Variants in AK9 observed in about 807,000 individuals in gnomAD.
The protein encoded by AK9 is adenylate kinase 9.
A neutral mutation model predicts 239.6 loss-of-function variants in AK9; 191 were observed. That is an observed-to-expected ratio of 0.80 (90% CI 0.71 to 0.90). The LOEUF (loss-of-function observed/expected upper bound fraction) is 0.90. Ranked by LOEUF, AK9 falls within the 40% of genes least tolerant of loss-of-function variation. AK9 has a pLI of 0.00. For missense variants in AK9, 1,995 were observed against 2,214.7 expected (o/e 0.90, Z 1.99); for synonymous variants, 689 against 721.0 (o/e 0.96, Z 0.71).
chr6:109,499,341 C>T, intron 35 of AK9, 101 bp from the exon 36 acceptor site: 1 of 897,098 alleles, frequency 1.1e-6, no homozygotes. Context: ...ACTATACATA[C>T]ACATTATAAA....
Position 109,493,207 on chromosome 6 carries a change from G to C in AK9, c.*162C>G. On this transcript the variant is annotated 3_prime_UTR_variant, in exon 41 of 41. Coordinates refer to ENST00000424296, the MANE Select transcript of AK9 (RefSeq NM_001145128.3). The stretch of plus-strand genomic sequence containing the variant: ...GTTTCCATAAGAGTGCTCCTTCCTG[G>C]CTGGCAGACCTTTGAGTTCACCTGA... 1.5e-6 allele frequency: 1 copy of C among 646,674 alleles called. No homozygotes were observed. Among genetic ancestry groups the C allele is most frequent in the Non-Finnish European group, 2.6e-6 (1 of 379,106 alleles). 40.1% of individuals were successfully genotyped at this position (646,674 alleles called of 1,614,324 possible).
At chr6:109,497,360 A>ACG in intron 38 of AK9, 105 bp downstream of exon 38, 1 of 552,776 alleles carries the variant, frequency 1.8e-6, no homozygotes, top group Non-Finnish European at 3.1e-6. Flanking sequence ...ACACACACAC[A>ACG]CACTCTCTCT....
chr6:109,538,243 C>T (rs975849327), intron 27 of AK9, among the ~76,000 whole-genome samples: 1 of 152,018 alleles, frequency 6.6e-6, no homozygotes, highest in Non-Finnish European at 1.5e-5. Flanking sequence ...GGAGTCTAAG[C>T]CTCTTTGTAG....
intron 6 of AK9, among the ~76,000 whole-genome samples, chr6:109,662,075 T>C (rs1800495483): frequency 6.6e-6 from 1 of 152,160 alleles, no homozygotes; most frequent in South Asian, 2.1e-4. Context: ...AATATACTGG[T>C]TGATGTTTAT....
intron 10 of AK9, among the ~76,000 whole-genome samples, chr6:109,638,077 C>T (rs772524845): frequency 1.3e-5 from 2 of 152,172 alleles, no homozygotes; most frequent in African/African-American, 2.4e-5. Context: ...TACACAGCCA[C>T]ATCTTCCCTT....
intron 3 of AK9, among the ~76,000 whole-genome samples, chr6:109,672,983 G>T (rs1476029597): frequency 2.0e-5 from 3 of 152,164 alleles, no homozygotes; most frequent in African/African-American, 7.2e-5. Flanking sequence ...AGAAAGAGGG[G>T]TCTTGAGGCT....
At chr6:109,682,972 T>A (rs550307772) in intron 1 of AK9, among the ~76,000 whole-genome samples, 1 of 152,322 alleles carries the variant, frequency 6.6e-6, no homozygotes, top group Non-Finnish European at 1.5e-5. Flanking sequence ...CCAATATCCC[T>A]GATGAACATC....
chr6:109,564,564 G>GT (rs1786219652), intron 22 of AK9, among the ~76,000 whole-genome samples, 192 bp downstream of exon 22: 1 of 136,988 alleles, frequency 7.3e-6, no homozygotes, highest in South Asian at 2.4e-4. Flanking sequence ...ACAAATTTGT[G>GT]TAAAAACCAG....
intron 1 of AK9, among the ~76,000 whole-genome samples, chr6:109,679,340 G>A (rs1188183286): frequency 1.5e-5 from 2 of 133,564 alleles, no homozygotes; most frequent in Non-Finnish European, 3.2e-5. Context: ...AAGCCTTGGG[G>A]AAGTTCCCTC....
chr6:109,582,592 G>A (rs1342638624), intron 19 of AK9, among the ~76,000 whole-genome samples: 1 of 152,156 alleles, frequency 6.6e-6, no homozygotes, highest in African/African-American at 2.4e-5. Context: ...TCTCATGGAT[G>A]AGAAAAGAAA....
chr6:109,672,822 T>A (rs755560263), intron 3 of AK9, among the ~76,000 whole-genome samples: 1 of 152,242 alleles, frequency 6.6e-6, no homozygotes, highest in Non-Finnish European at 1.5e-5. Flanking sequence ...TATATGACAG[T>A]GATTTCTAAA....
At chr6:109,627,289 G>A (rs1795654216) in intron 12 of AK9, among the ~76,000 whole-genome samples, 1 of 151,724 alleles carries the variant, frequency 6.6e-6, no homozygotes, top group Non-Finnish European at 1.5e-5. Context: ...AATGCCTTCT[G>A]GAATATCTCC....
chr6:109,651,171 T>C (rs190415818), intron 8 of AK9, among the ~76,000 whole-genome samples: 366 of 152,000 alleles, frequency 2.4e-3, no homozygotes, highest in Non-Finnish European at 3.3e-3. Flanking sequence ...ACATGGCACA[T>C]GTATACATAT....
intron 17 of AK9, among the ~76,000 whole-genome samples, chr6:109,608,592 A>G (rs1793207267): frequency 1.3e-5 from 2 of 152,184 alleles, no homozygotes; most frequent in South Asian, 4.1e-4. Context: ...TGGACCTTAG[A>G]TCCAAATATG....
At position 109,680,679 on chromosome 6, in the gene AK9, GA is replaced by G. The variant is rs927825038; in HGVS notation, c.-11-4924del. Among the ~76,000 whole-genome samples, 116 of 152,222 alleles carry G rather than the reference GA, an allele frequency of 7.6e-4. 1 individual carries two copies. Among genetic ancestry groups the G allele is most frequent in the Non-Finnish European group, 1.5e-3 (102 of 68,000 alleles). ...CAGATTCACCAAGGTTGAAATGAAGGAAAAAATGTTAAGGGTAGCCAGAGAA... is the reference window on the plus strand; with the variant it reads ...CAGATTCACCAAGGTTGAAATGAAGGAAAAATGTTAAGGGTAGCCAGAGAA... On this transcript the variant is annotated intron_variant, in intron 1 of 40. Transcript: ENST00000424296.
chr6:109,660,896 T>A, intron 6 of AK9: 1 of 479,874 alleles, frequency 2.1e-6, no homozygotes, highest in Non-Finnish European at 4.1e-6. Context: ...CTCTGATAAC[T>A]ACTGCTCTAG....
chr6:109,579,670 A>T, intron 19 of AK9, 44 bp from the exon 20 acceptor site: 2 of 1,464,772 alleles, frequency 1.4e-6, no homozygotes, highest in South Asian at 2.5e-5. Flanking sequence ...GGAAATTCAG[A>T]CTTCTCACAC....
intron 27 of AK9, among the ~76,000 whole-genome samples, chr6:109,534,367 G>T (rs1423041261): frequency 6.7e-6 from 1 of 149,468 alleles, no homozygotes; most frequent in Non-Finnish European, 1.5e-5. Context: ...TGAAAACTTG[G>T]CTTTGTTTAA....
intron 12 of AK9, chr6:109,632,285 C>T (rs990038646): frequency 1.0e-6 from 1 of 985,470 alleles, no homozygotes; most frequent in African/African-American, 1.7e-5. Flanking sequence ...TGTCTTTAGC[C>T]ATGATCTTGT....
Sources: allele counts gnomAD v4.1 joint callset (sites outside exome capture counted in the v4.1 genomes callset), GRCh38; gene constraint gnomAD v4.1.1; transcripts MANE v1.5; gene names NCBI Gene and HGNC (gene_info 2026-07-23, HGNC 2026-07-21).